LYPD6B: variants seen among roughly 807,000 people sequenced by gnomAD.
LYPD6B encodes LY6/PLAUR domain containing 6B, also known as ly6/PLAUR domain-containing protein 6B.
A neutral mutation model predicts 22.8 loss-of-function variants in LYPD6B; 17 were observed. The ratio of observed to expected loss-of-function variants is 0.75; its 90% CI spans 0.51 to 1.12. The LOEUF is 1.12. LYPD6B is among the 50% of genes most tolerant of loss of function. The pLI, the probability that LYPD6B is intolerant of heterozygous loss-of-function variation, is 0.00. For synonymous variants in LYPD6B, 106 were observed against 91.6 expected (o/e 1.16, Z -0.90); for missense variants, 221 against 258.3 (o/e 0.86, Z 0.99).
intron 2 of LYPD6B, 25 bp from the exon 3 acceptor site, chr2:149,160,734 TCTTTC>T (rs1314085986): frequency 6.7e-7 from 1 of 1,493,066 alleles, no homozygotes; most frequent in East Asian, 2.5e-5. Flanking sequence ...CAGCAGTGGC[TCTTTC>T]CTTATCTTTT....
intron 1 of LYPD6B, among the ~76,000 whole-genome samples, chr2:149,129,402 G>C (rs1362691621): frequency 6.6e-6 from 1 of 152,174 alleles, no homozygotes; most frequent in Non-Finnish European, 1.5e-5. Context: ...GCCAGGCCTA[G>C]GCTAACCTCT....
At chr2:149,138,302 AT>A (rs1484628238) in intron 2 of LYPD6B, among the ~76,000 whole-genome samples, 1 of 152,192 alleles carries the variant, frequency 6.6e-6, no homozygotes, top group Non-Finnish European at 1.5e-5. Context: ...GAAACAATTT[AT>A]GTATTGCTGT....
At chr2:149,156,682 A>G (rs1301418647) in intron 2 of LYPD6B, among the ~76,000 whole-genome samples, 11 of 152,178 alleles carry the variant, frequency 7.2e-5, no homozygotes, top group South Asian at 4.1e-4. Context: ...GGGCCTACCC[A>G]TATGACCTCA....
At chr2:149,198,042 T>C (rs908961010) in intron 3 of LYPD6B, among the ~76,000 whole-genome samples, 48 of 151,758 alleles carry the variant, frequency 3.2e-4, no homozygotes, top group African/African-American at 1.1e-3. Context: ...TCTTTTTTTT[T>C]TTTTCTTTTC....
At chr2:149,047,157 T>C (rs1683345370) in intron 1 of LYPD6B, among the ~76,000 whole-genome samples, 1 of 152,230 alleles carries the variant, frequency 6.6e-6, no homozygotes, top group Admixed American at 6.5e-5. Flanking sequence ...TCCATCATTG[T>C]TTTCTTTGTG....
chr2:149,133,819 AT>A (rs1688179509), intron 2 of LYPD6B, among the ~76,000 whole-genome samples: 1 of 152,200 alleles, frequency 6.6e-6, no homozygotes, highest in Non-Finnish European at 1.5e-5. Context: ...AAAGAGTGAA[AT>A]AAAGAAAATC....
intron 3 of LYPD6B, among the ~76,000 whole-genome samples, chr2:149,194,105 T>C (rs973923652): frequency 1.3e-5 from 2 of 152,350 alleles, no homozygotes; most frequent in South Asian, 4.1e-4. Flanking sequence ...TAAAATATTC[T>C]TCAGCTAGCT....
intron 3 of LYPD6B, among the ~76,000 whole-genome samples, chr2:149,184,121 G>A (rs1691939927): frequency 6.6e-6 from 1 of 151,998 alleles, no homozygotes; most frequent in South Asian, 2.1e-4. Context: ...GAACCCAAGA[G>A]GTGGAGGTTG....
At chr2:149,202,363 G>A (rs1693218892) in intron 3 of LYPD6B, among the ~76,000 whole-genome samples, 1 of 152,094 alleles carries the variant, frequency 6.6e-6, no homozygotes, top group South Asian at 2.1e-4. Context: ...AGCCACACTG[G>A]CTGCTTTTTT....
intron 1 of LYPD6B, among the ~76,000 whole-genome samples, chr2:149,039,893 C>G (rs1682992882): frequency 6.6e-6 from 1 of 152,184 alleles, no homozygotes. Flanking sequence ...GAATTGTTTT[C>G]TTTGGGTTGG....
intron 1 of LYPD6B, among the ~76,000 whole-genome samples, chr2:149,045,402 T>G (rs1683263078): frequency 6.6e-6 from 1 of 152,078 alleles, no homozygotes; most frequent in South Asian, 2.1e-4. Flanking sequence ...ATTTTTCTGT[T>G]TTCAATTTAA....
intron 1 of LYPD6B, among the ~76,000 whole-genome samples, chr2:149,071,122 G>T (rs1481601137): frequency 6.6e-6 from 1 of 152,224 alleles, no homozygotes; most frequent in African/African-American, 2.4e-5. Flanking sequence ...AATGTAAAAC[G>T]CGGCTTGGCA....
chr2:149,062,327 T>C (rs1000030037), intron 1 of LYPD6B, among the ~76,000 whole-genome samples: 1 of 152,140 alleles, frequency 6.6e-6, no homozygotes, highest in Non-Finnish European at 1.5e-5. Context: ...AAATAACATG[T>C]AAAATATGTA....
intron 3 of LYPD6B, among the ~76,000 whole-genome samples, chr2:149,186,557 A>G (rs1395280909): frequency 6.6e-6 from 1 of 152,232 alleles, no homozygotes; most frequent in Non-Finnish European, 1.5e-5. Context: ...CAGAAGATCT[A>G]GCTAAGATCA....
intron 1 of LYPD6B, among the ~76,000 whole-genome samples, chr2:149,047,670 A>C (rs900261093): frequency 6.6e-6 from 1 of 151,902 alleles, no homozygotes; most frequent in African/African-American, 2.4e-5. Flanking sequence ...TCTGTCATTA[A>C]TTTTGGAAAA....
intron 2 of LYPD6B, among the ~76,000 whole-genome samples, chr2:149,138,953 T>G (rs1252833258): frequency 1.3e-5 from 2 of 152,274 alleles, no homozygotes; most frequent in Non-Finnish European, 2.9e-5. Flanking sequence ...TTCTGTCTTA[T>G]GCACATGAAA....
chr2:149,070,328 T>C (rs943376648), intron 1 of LYPD6B, among the ~76,000 whole-genome samples: 4 of 152,214 alleles, frequency 2.6e-5, no homozygotes, highest in African/African-American at 9.6e-5. Context: ...AGGATGTTTT[T>C]GGTTACCCAT....
intron 2 of LYPD6B, among the ~76,000 whole-genome samples, chr2:149,154,502 A>T (rs771763102): frequency 1.3e-4 from 19 of 151,836 alleles, no homozygotes; most frequent in Non-Finnish European, 2.1e-4. Flanking sequence ...TTTGTAATTT[A>T]TTATAGCAGA....
At chr2:149,145,797 A>C (rs1408559821) in intron 2 of LYPD6B, among the ~76,000 whole-genome samples, 1 of 152,174 alleles carries the variant, frequency 6.6e-6, no homozygotes, top group Non-Finnish European at 1.5e-5. Flanking sequence ...GACCCAGTGA[A>C]AGTGAGGGTG....
Sources: gnomAD v4.1 joint callset for allele counts (sites outside exome capture counted in the v4.1 genomes callset) on GRCh38, gnomAD v4.1.1 for gene constraint, MANE v1.5 for transcripts, NCBI Gene and HGNC (gene_info 2026-07-23, HGNC 2026-07-21) for gene names.